The following BID variants were observed in gnomAD, a reference collection of about 807,000 sequenced individuals.
BID encodes BH3-interacting domain death agonist.
A neutral mutation model predicts 17.4 loss-of-function variants in BID; 19 were observed. The ratio of observed to expected loss-of-function variants is 1.09; its 90% confidence interval spans 0.76 to 1.60. BID has a LOEUF of 1.60. Ranked by LOEUF, BID falls within the 40% of genes most tolerant of loss-of-function variation. BID has a pLI of 0.00. For synonymous variants in BID, 108 were observed against 102.8 expected, an observed-to-expected ratio of 1.05 and a Z score of -0.31; for missense variants, 226 against 256.0, an observed-to-expected ratio of 0.88 and a Z score of 0.80.
chr22:17,766,286 T>C (rs1048887237), intron 1 of BID, among the ~76,000 whole-genome samples: 16 of 149,888 alleles, frequency 1.1e-4, no homozygotes, highest in East Asian at 9.6e-4. Context: ...TTCTTTCTTT[T>C]TTTTTTTTTT....
chr22:17,735,374 G>A lies in BID; in HGVS notation c.*206C>T. The A allele has an allele frequency of 3.3e-6, 2 of 598,976 alleles. No homozygotes were observed. Among genetic ancestry groups the A allele is most frequent in the East Asian group, 2.8e-5 (1 of 35,230 alleles). The allele number at this position is 598,976 out of a possible 1,614,324, so 37.1% of individuals were successfully genotyped here. A position where few individuals can be genotyped will look rare whatever the true frequency, so the allele number is the denominator to read the frequency against. On this transcript the variant is annotated 3_prime_UTR_variant, in exon 6 of 6. Transcript: ENST00000622694. ...AAGGCCATTCAAATACGTGTAAATG[G>A]ACATTTTCATTCAAGTATATTAATG...
chr22:17,736,547 A>C (rs2061421214), intron 5 of BID, among the ~76,000 whole-genome samples: 1 of 151,892 alleles, frequency 6.6e-6, no homozygotes, highest in Non-Finnish European at 1.5e-5. Flanking sequence ...ATTTGGGTCT[A>C]TGAAACAGAA....
At chr22:17,755,389 G>A (rs898119747) in intron 1 of BID, among the ~76,000 whole-genome samples, 7 of 152,208 alleles carry the variant, frequency 4.6e-5, no homozygotes. Context: ...ACCCAGAGAA[G>A]GGGCAGTGCC....
chr22:17,756,430 TTC>T (rs1417367395), intron 1 of BID, among the ~76,000 whole-genome samples: 8 of 55,884 alleles, frequency 1.4e-4, no homozygotes, highest in African/African-American at 3.0e-4. Context: ...CTTTCTTTCT[TTC>T]TTCTTTCTTT....
At chr22:17,752,964 CTTTTTTTTTTTTT>C (rs34597946) in intron 1 of BID, among the ~76,000 whole-genome samples, 1 of 85,186 alleles carries the variant, frequency 1.2e-5, no homozygotes, top group African/African-American at 4.8e-5. Context: ...CGCGCCCAGT[CTTTTTTTTTTTTT>C]TTTTTTTGAG....
At chr22:17,761,494 T>C (rs1230269000) in intron 1 of BID, among the ~76,000 whole-genome samples, 1 of 148,710 alleles carries the variant, frequency 6.7e-6, no homozygotes, top group East Asian at 2.0e-4. Flanking sequence ...TGCAGTGGCG[T>C]GATCTTGGCT....
chr22:17,738,243 C>T lies in BID; in HGVS notation c.364-14G>A, dbSNP rs1337712844. Reference sequence around the variant, plus strand: ...CCTGTTCCGGTCCTGCACAGAGGGGCACACAGAACCTGGTTTACTAATACT... The same window carrying T: ...CCTGTTCCGGTCCTGCACAGAGGGGTACACAGAACCTGGTTTACTAATACT... On this transcript the variant is annotated splice_polypyrimidine_tract_variant and intron_variant, in intron 4 of 5. Transcript: ENST00000622694. The T allele has an allele frequency of 1.2e-6, 2 of 1,605,598 alleles. No individual in the cohort carries two copies. The highest frequency in any genetic ancestry group is 4.5e-5 in the East Asian group (2 of 44,854).
Position 17,735,320 on chromosome 22 carries a change from GAT to G in BID, c.*258_*259del. On this transcript the variant is annotated 3_prime_UTR_variant, in exon 6 of 6. Coordinates refer to ENST00000622694, the MANE Select transcript of BID (RefSeq NM_001196.4). The stretch of plus-strand genomic sequence containing the variant: ...TAAAGGCACCGTGTGTAGATTTACA[GAT>G]GTGCAGATTCATGTGTGGATGATAT... The G allele has an allele frequency of 2.1e-6, 1 of 478,734 alleles. No individual in the cohort carries two copies. Among genetic ancestry groups the G allele is most frequent in the Non-Finnish European group, 3.7e-6 (1 of 269,714 alleles). 29.7% of individuals were successfully genotyped at this position (478,734 alleles called of 1,614,324 possible).
At chr22:17,748,034 C>T (rs2061506649) in intron 2 of BID, among the ~76,000 whole-genome samples, 1 of 150,600 alleles carries the variant, frequency 6.6e-6, no homozygotes, top group Non-Finnish European at 1.5e-5. Context: ...CACGGTGAAA[C>T]CCCGTCTTTA....
intron 1 of BID, among the ~76,000 whole-genome samples, chr22:17,765,674 G>A (rs1452776679): frequency 2.0e-5 from 3 of 152,168 alleles, no homozygotes; most frequent in Non-Finnish European, 4.4e-5. Flanking sequence ...CTGTATTATA[G>A]CTAATGCTGA....
chr22:17,769,454 C>G lies in BID; in HGVS notation c.-59+4927G>C, dbSNP rs1337601622. On this transcript the variant is annotated intron_variant, in intron 1 of 5. Transcript: ENST00000622694. This position sits in a 1 kb window ranked among gnomAD's most constrained non-coding sequence, Gnocchi z 4.8. Reference sequence around the variant, plus strand: ...TCTCACAGCCAGGCCCCATCTCTCCCTGCCTGGATTTCAGGGGAAGTGGGG... The same window carrying G: ...TCTCACAGCCAGGCCCCATCTCTCCGTGCCTGGATTTCAGGGGAAGTGGGG... Among the ~76,000 whole-genome samples, 1 of 152,238 alleles carries G rather than the reference C, an allele frequency of 6.6e-6. No homozygotes were observed. The highest frequency in any genetic ancestry group is 1.5e-5 in the Non-Finnish European group (1 of 68,038).
chr22:17,761,306 T>G (rs1281463305), intron 1 of BID, among the ~76,000 whole-genome samples: 1 of 152,242 alleles, frequency 6.6e-6, no homozygotes, highest in Non-Finnish European at 1.5e-5. Context: ...CTTTGTTCTT[T>G]GTTTTTTCCC....
chr22:17,761,429 C>CTTTTTT (rs57001710), intron 1 of BID, among the ~76,000 whole-genome samples: 1 of 106,326 alleles, frequency 9.4e-6, no homozygotes, highest in Non-Finnish European at 1.9e-5. Flanking sequence ...TAATCTTTCA[C>CTTTTTT]TTTTTTTTTT....
At chr22:17,766,723 G>A (rs1402734492) in intron 1 of BID, among the ~76,000 whole-genome samples, 1 of 151,910 alleles carries the variant, frequency 6.6e-6, no homozygotes, top group South Asian at 2.1e-4. Flanking sequence ...CCAAGTAGTT[G>A]GGAGTATAGG....
intron 3 of BID, among the ~76,000 whole-genome samples, chr22:17,742,322 C>T (rs945124670): frequency 3.3e-5 from 5 of 152,230 alleles, no homozygotes; most frequent in Non-Finnish European, 7.3e-5. Context: ...GCTACAGTCA[C>T]CCCCACAGCA....
In BID at chr22:17,734,193, ACTT is replaced by A. The variant is rs749891086; in HGVS notation, c.*1384_*1386del. The A allele has an allele frequency of 7.2e-5, 11 of 152,214 alleles. No homozygotes were observed. Among genetic ancestry groups the A allele is most frequent in the Non-Finnish European group, 1.3e-4 (9 of 68,034 alleles). 9.4% of individuals were successfully genotyped at this position (152,214 alleles called of 1,614,324 possible). A position where few individuals can be genotyped will look rare whatever the true frequency, so the allele number is the denominator to read the frequency against. ...AGTGGCCTCCACACTGCGCGGCAGC[ACTT>A]CTTTTTAGTATTTGTAAGCTTTTGC... On this transcript the variant is annotated 3_prime_UTR_variant, in exon 6 of 6. Transcript: ENST00000622694.
intron 1 of BID, among the ~76,000 whole-genome samples, chr22:17,753,764 C>T (rs1055115745): frequency 2.0e-5 from 3 of 152,252 alleles, no homozygotes; most frequent in Admixed American, 6.5e-5. Flanking sequence ...GACGGCCAGG[C>T]AGATGGGAAA....
intron 1 of BID, among the ~76,000 whole-genome samples, chr22:17,755,801 A>G (rs1372253987): frequency 1.2e-3 from 3 of 2,416 alleles, no homozygotes; most frequent in East Asian, 0.2. Context: ...CTCCGTCTCA[A>G]AAAAAAAAAA....
At chr22:17,765,774 A>G (rs2061673838) in intron 1 of BID, among the ~76,000 whole-genome samples, 1 of 152,224 alleles carries the variant, frequency 6.6e-6, no homozygotes, top group Non-Finnish European at 1.5e-5. Context: ...GCACATGTAT[A>G]TATATGTAAC....
Sources: allele counts gnomAD v4.1 joint callset (sites outside exome capture counted in the v4.1 genomes callset), GRCh38; gene constraint gnomAD v4.1.1; non-coding constraint Gnocchi (gnomAD v3.1); transcripts MANE v1.5; gene names NCBI Gene and HGNC (gene_info 2026-07-23, HGNC 2026-07-21).